The following DVL1 variants were observed in gnomAD, a reference collection of about 807,000 sequenced individuals.
The protein encoded by DVL1 is dishevelled segment polarity protein 1, also known as segment polarity protein dishevelled homolog DVL-1.
A neutral mutation model predicts 65.0 loss-of-function variants in DVL1; 49 were observed. The observed-to-expected ratio is 0.75, with a 90% CI of 0.60 to 0.96. The LOEUF is 0.96. Among genes scored for constraint, DVL1 ranks in the 40% least tolerant of loss-of-function variants. The pLI is 0.00. For missense variants in DVL1, 1,197 were observed against 1,045.4 expected (o/e 1.15, Z -2.00); for synonymous variants, 608 against 433.9 (o/e 1.40, Z -4.99).
chr1:1,348,590 C>G (rs1643959013), intron 1 of DVL1, among the ~76,000 whole-genome samples: 1 of 152,200 alleles, frequency 6.6e-6, no homozygotes, highest in Non-Finnish European at 1.5e-5. Context: ...GGCAGGCGCT[C>G]CCGGCCAGCC....
At chr1:1,337,894 TGGAACTGGGGGC>T in intron 14 of DVL1, 71 bp downstream of exon 14, 4 of 962,900 alleles carry the variant, frequency 4.2e-6, no homozygotes, top group Non-Finnish European at 6.0e-6. Flanking sequence ...CGGGGTGGGG[TGGAACTGGGGGC>T]GGAGCAGCAG....
intron 3 of DVL1, 33 bp from the exon 4 acceptor site, chr1:1,342,189 C>T (rs530422195): frequency 1.2e-5 from 18 of 1,529,734 alleles, no homozygotes; most frequent in East Asian, 9.8e-5. Flanking sequence ...GTGGGGAGGC[C>T]GTGGCCCCAG....
intron 5 of DVL1, among the ~76,000 whole-genome samples, chr1:1,341,326 CAT>C (rs1643817910): frequency 6.6e-6 from 1 of 152,166 alleles, no homozygotes; most frequent in Non-Finnish European, 1.5e-5. Context: ...ACATGCGCAT[CAT>C]GTACATAAAC....
chr1:1,341,838 G>T, intron 4 of DVL1, 33 bp from the exon 5 acceptor site: 1 of 1,544,704 alleles, frequency 6.5e-7, no homozygotes. Context: ...ACTGACTGCA[G>T]GGTCTCCCAG....
In DVL1 at chr1:1,341,262, G is replaced by A. The variant is rs1029811647; in HGVS notation, c.605+405C>T. 4.7e-5 allele frequency among the ~76,000 whole-genome samples: 7 copies of A among 149,772 alleles called. No homozygotes were observed. The South Asian group carries it at 1.1e-3, about 23-fold the overall frequency. On this transcript the variant is annotated intron_variant, in intron 5 of 14. Coordinates refer to ENST00000378888, the MANE Select transcript of DVL1 (RefSeq NM_001330311.2). ...GCGCACACGCGTGCATTGTGAAAAC[G>A]CTCACGTGCACACTGTGAAAACGCA...
At position 1,339,369 on chromosome 1, in the gene DVL1, G is replaced by A. The variant is rs1374385166; in HGVS notation, c.1125C>T (p.Pro375=). The change falls in exon 11 of 15, where the codon CCC becomes CCT. Residue 375 remains proline, a synonymous_variant. Coordinates refer to ENST00000378888, the MANE Select transcript of DVL1 (RefSeq NM_001330311.2). ...TGGAGCAGGGACTCGTACCGTAGCG[G>A]GGCAGGGCTCCTGTCAGTGCCGCCG... ...SHTAALTGAL[P]RYGTSPCSSA... is the part of the protein sequence containing the mutation. The A allele has an allele frequency of 1.3e-6, 2 of 1,548,910 alleles. No homozygotes were observed. The highest frequency in any genetic ancestry group is 1.7e-6 in the Non-Finnish European group (2 of 1,146,876).
In DVL1 at chr1:1,338,561, G is replaced by A. The variant is rs1171248166; in HGVS notation, c.1300C>T (p.Arg434Cys). 1 of 1,612,524 alleles carries A rather than the reference G, an allele frequency of 6.2e-7. No individual in the cohort carries two copies. Residue 434 changes from arginine (R) to cysteine (C), a missense_variant, in exon 12 of 15, where the codon CGC (arginine) becomes TGC (cysteine). Coordinates refer to ENST00000378888, the MANE Select transcript of DVL1 (RefSeq NM_001330311.2). ...GCGATGGTGATCTTGAGCCACATGC[G>A]GTCGCGGATCTCCAGTCCCGAGTCT... ...LPDSGLEIRD[R>C]MWLKITIANA... is the part of the protein sequence containing the mutation.
intron 1 of DVL1, among the ~76,000 whole-genome samples, chr1:1,346,910 C>T (rs767616838): frequency 1.3e-5 from 2 of 152,220 alleles, no homozygotes; most frequent in East Asian, 1.9e-4. Context: ...GTTCAGCAGT[C>T]GCTTAAGCTA....
At chr1:1,338,715 T>G in intron 11 of DVL1, 62 bp from the exon 12 acceptor site, 2 of 1,567,164 alleles carry the variant, frequency 1.3e-6, no homozygotes, top group Non-Finnish European at 1.7e-6. Context: ...CTCAGGGCCC[T>G]GCACCCCCAG....
chr1:1,341,826 G>C, intron 4 of DVL1, 21 bp from the exon 5 acceptor site: 3 of 1,560,232 alleles, frequency 1.9e-6, no homozygotes, highest in Non-Finnish European at 2.6e-6. Context: ...AGCAGGTTGG[G>C]AACTGACTGC....
chr1:1,343,111 T>C (rs1407150327), intron 1 of DVL1, among the ~76,000 whole-genome samples: 1 of 152,148 alleles, frequency 6.6e-6, no homozygotes, highest in Admixed American at 6.5e-5. Flanking sequence ...CCCTGCAGCG[T>C]TGGTCCCCAG....
chr1:1,341,154 T>C (rs1385652493), intron 5 of DVL1, among the ~76,000 whole-genome samples: 1 of 115,452 alleles, frequency 8.7e-6, no homozygotes, highest in Non-Finnish European at 1.7e-5. Flanking sequence ...CACCTTCACA[T>C]ACACCTGTAC....
At chr1:1,341,905 G>C in intron 4 of DVL1, 100 bp from the exon 5 acceptor site, 2 of 1,475,438 alleles carry the variant, frequency 1.4e-6, no homozygotes, top group Middle Eastern at 1.8e-4. Context: ...TCTGGGAGCT[G>C]GCAGCTCAAC....
chr1:1,338,960 C>T (rs899442216), intron 11 of DVL1, among the ~76,000 whole-genome samples: 2 of 152,246 alleles, frequency 1.3e-5, no homozygotes, highest in African/African-American at 2.4e-5. Context: ...TTCCCCTCCC[C>T]GCATGCCCCA....
chr1:1,340,582 G>C, intron 5 of DVL1, 79 bp from the exon 6 acceptor site: 1 of 1,442,568 alleles, frequency 6.9e-7, no homozygotes, highest in Admixed American at 2.0e-5. Flanking sequence ...AATACTGAGT[G>C]GGAATCGGGG....
rs941731098 is a variant in DVL1 at position 1,340,169 on chromosome 1, G to T, written c.778C>A (p.His260Asn). 1 of 1,613,722 alleles carries T rather than the reference G, an allele frequency of 6.2e-7. No individual in the cohort carries two copies. The highest frequency in any genetic ancestry group is 1.3e-5 in the African/African-American group (1 of 75,028). The change falls in exon 8 of 15, where the codon CAC (histidine) becomes AAC (asparagine). Residue 260 changes from histidine to asparagine, a missense_variant. Coordinates refer to ENST00000378888, the MANE Select transcript of DVL1 (RefSeq NM_001330311.2). ...VTVTLNMERH[H>N]FLGISIVGQS... ...CCCACGATGCTGATGCCCAGAAAGTGATGTCTTTCTGCAGGAAGAGCCATG... is the reference window on the plus strand; with the variant it reads ...CCCACGATGCTGATGCCCAGAAAGTTATGTCTTTCTGCAGGAAGAGCCATG...
Position 1,341,681 on chromosome 1 carries a change from A to C in DVL1, c.591T>G (p.Asp197Glu). The C allele has an allele frequency of 6.2e-7, 1 of 1,605,948 alleles. No homozygotes were observed. Among genetic ancestry groups the C allele is most frequent in the Non-Finnish European group, 8.5e-7 (1 of 1,174,150 alleles). The change falls in exon 5 of 15, where the codon GAT becomes GAG. Residue 197 changes from aspartate (D) to glutamate (E), a missense_variant. Transcript: ENST00000378888. Reference protein sequence around the residue: ...ESSSFVDSDEDGSTSRLSSST... With the variant: ...ESSSFVDSDEEGSTSRLSSST... The stretch of plus-strand genomic sequence containing the variant: ...CTCCCACACACCTGCTCGTGCTGCC[A>C]TCCTCGTCCGAGTCCACAAAGCTGC...
At position 1,349,147 on chromosome 1, in the gene DVL1, C is replaced by T; in HGVS notation, c.-82G>A. 1.2e-6 allele frequency: 1 copy of T among 841,724 alleles called. No homozygotes were observed. Among genetic ancestry groups the T allele is most frequent in the Non-Finnish European group, 1.4e-6 (1 of 701,338 alleles). 52.1% of individuals were successfully genotyped at this position (841,724 alleles called of 1,614,324 possible). On this transcript the variant is annotated 5_prime_UTR_variant, in exon 1 of 15. Transcript: ENST00000378888. The surrounding 1 kb of genome is among the most constrained non-coding windows in gnomAD (Gnocchi z 4.1). ...GGGGCGCTACCCGCCCGCCCGCCTG[C>T]GCCCCGCCCGGCCCGCACCGCTCTC...
At chr1:1,344,472 G>C (rs1047828049) in intron 1 of DVL1, among the ~76,000 whole-genome samples, 10 of 152,120 alleles carry the variant, frequency 6.6e-5, no homozygotes, top group Non-Finnish European at 2.9e-5. Flanking sequence ...TTGCTGGGAA[G>C]AGGCCCCAAG....
Sources: gnomAD v4.1 joint callset for allele counts (sites outside exome capture counted in the v4.1 genomes callset) on GRCh38, gnomAD v4.1.1 for gene constraint, Gnocchi (gnomAD v3.1) non-coding constraint, MANE v1.5 for transcripts, NCBI Gene and HGNC (gene_info 2026-07-23, HGNC 2026-07-21) for gene names.